Variants in PCYT1B observed in about 807,000 individuals in gnomAD.
PCYT1B encodes the protein choline-phosphate cytidylyltransferase B.
A neutral mutation model predicts 26.4 loss-of-function variants in PCYT1B; 10 were observed. The observed-to-expected ratio is 0.38, with a 90% CI of 0.23 to 0.64. PCYT1B has a LOEUF of 0.64. Ranked by LOEUF, PCYT1B falls within the 30% of genes least tolerant of loss-of-function variation. The pLI is 0.56. For synonymous variants in PCYT1B, 131 were observed against 108.4 expected (o/e 1.21, Z -1.29); for missense variants, 161 against 292.7 (o/e 0.55, Z 3.28).
chrX:24,614,810 C>A (rs1350425079), intron 2 of PCYT1B, among the ~76,000 whole-genome samples: 1 of 112,008 alleles, frequency 8.9e-6, no homozygotes, highest in Non-Finnish European at 1.9e-5. Flanking sequence ...CTTAAAAATT[C>A]TCCGAGCTTT....
At chrX:24,582,155 T>C (rs760133139) in intron 5 of PCYT1B, among the ~76,000 whole-genome samples, 49 of 112,470 alleles carry the variant, frequency 4.4e-4, no homozygotes, top group Non-Finnish European at 7.9e-4. Flanking sequence ...GTGGGAACAG[T>C]GGGGAACATT....
At chrX:24,598,486 C>CAT (rs1449212206) in intron 3 of PCYT1B, among the ~76,000 whole-genome samples, 1 of 107,153 alleles carries the variant, frequency 9.3e-6, no homozygotes, top group Non-Finnish European at 1.9e-5. Flanking sequence ...TATATATATA[C>CAT]ACACACACAC....
chrX:24,620,738 T>C (rs1356330391), intron 1 of PCYT1B, among the ~76,000 whole-genome samples: 1 of 112,352 alleles, frequency 8.9e-6, no homozygotes, highest in Non-Finnish European at 1.9e-5. Flanking sequence ...AGGATTTCTT[T>C]TAAGACTACC....
intron 3 of PCYT1B, among the ~76,000 whole-genome samples, chrX:24,592,516 C>T (rs1924602168): frequency 9.0e-6 from 1 of 111,386 alleles, no homozygotes; most frequent in African/African-American, 3.3e-5. Context: ...GCTCCCATCC[C>T]CACCCCTTCA....
At chrX:24,614,396 A>C (rs2148250898) in intron 2 of PCYT1B, among the ~76,000 whole-genome samples, 1 of 111,662 alleles carries the variant, frequency 9.0e-6, no homozygotes, top group East Asian at 2.8e-4. Context: ...AAGAGAGTCC[A>C]GTTATAGCTA....
At chrX:24,627,327 G>T (rs755800141) in intron 1 of PCYT1B, among the ~76,000 whole-genome samples, 1 of 111,915 alleles carries the variant, frequency 8.9e-6, no homozygotes, top group African/African-American at 3.2e-5. Context: ...GGAGCCATCA[G>T]AGCGTTTCGT....
intron 1 of PCYT1B, among the ~76,000 whole-genome samples, chrX:24,623,364 CATATAT>C (rs57642734): frequency 0.042 from 3,339 of 79,545 alleles, 217 homozygotes; most frequent in African/African-American, 0.15. Flanking sequence ...ATGAGATTTA[CATATAT>C]ATATATATAT....
At chrX:24,662,649 T>C (rs749936147) in intron 1 of PCYT1B, among the ~76,000 whole-genome samples, 1 of 111,992 alleles carries the variant, frequency 8.9e-6, no homozygotes, top group South Asian at 3.7e-4. Context: ...CCTGAGCAAC[T>C]GTCATGAAGC....
At chrX:24,640,986 T>C (rs1926448464) in intron 1 of PCYT1B, among the ~76,000 whole-genome samples, 1 of 111,554 alleles carries the variant, frequency 9.0e-6, no homozygotes, top group Non-Finnish European at 1.9e-5. Flanking sequence ...CAGGCTGGAG[T>C]GCAGAGGGAT....
In PCYT1B at chrX:24,562,070, G is replaced by A. The variant is rs780784858; in HGVS notation, c.*223C>T. 2.5e-6 allele frequency: 3 copies of A among 1,205,306 alleles called. No homozygotes were observed. On this transcript the variant is annotated 3_prime_UTR_variant, in exon 8 of 8. Coordinates refer to ENST00000379144, the MANE Select transcript of PCYT1B (RefSeq NM_004845.5). ...AGAGTGACTCTAGACGCTAAGGTTTGTGTAGGTTGTCCAGCTAGAAGTCTC... is the reference window on the plus strand; with the variant it reads ...AGAGTGACTCTAGACGCTAAGGTTTATGTAGGTTGTCCAGCTAGAAGTCTC...
intron 2 of PCYT1B, among the ~76,000 whole-genome samples, chrX:24,614,175 C>CT (rs1290559942): frequency 5.4e-5 from 6 of 111,144 alleles, no homozygotes; most frequent in Non-Finnish European, 1.1e-4. Flanking sequence ...ATTCTGATTG[C>CT]TTTTTTGATT....
upstream of PCYT1B, among the ~76,000 whole-genome samples, chrX:24,649,774 C>T (rs1183608729): frequency 4.5e-5 from 5 of 111,986 alleles, no homozygotes; most frequent in Non-Finnish European, 9.4e-5. Flanking sequence ...CTGCCTTTGC[C>T]TAGGATATCT....
chrX:24,624,002 C>T (rs61760943), intron 1 of PCYT1B, among the ~76,000 whole-genome samples: 4,036 of 95,848 alleles, frequency 0.042, 131 homozygotes, highest in Non-Finnish European at 0.066. Context: ...GACAGAGTCT[C>T]GCTCTGTCGC....
intron 1 of PCYT1B, among the ~76,000 whole-genome samples, chrX:24,670,088 GAAAGAAAGAAAGA>G (rs1569261821): frequency 5.6e-5 from 5 of 89,196 alleles, no homozygotes; most frequent in African/African-American, 1.2e-4. Flanking sequence ...AAGAAAGAAA[GAAAGAAAGAAAGA>G]AAGAAAGAAA....
At chrX:24,592,475 C>T (rs1341175167) in intron 3 of PCYT1B, among the ~76,000 whole-genome samples, 1 of 111,029 alleles carries the variant, frequency 9.0e-6, no homozygotes, top group Non-Finnish European at 1.9e-5. Context: ...AAAGCACACC[C>T]GGAAGCCATG....
intron 1 of PCYT1B, among the ~76,000 whole-genome samples, chrX:24,622,627 C>T (rs769644905): frequency 1.2e-4 from 14 of 112,293 alleles, no homozygotes; most frequent in Non-Finnish European, 2.3e-4. Flanking sequence ...ATGTATCCAT[C>T]GATATACTAA....
intron 6 of PCYT1B, among the ~76,000 whole-genome samples, chrX:24,575,669 C>T (rs1330153933): frequency 8.9e-6 from 1 of 112,521 alleles, no homozygotes; most frequent in Non-Finnish European, 1.9e-5. Context: ...CCATTCAATT[C>T]TGCTGGGACT....
At chrX:24,598,645 ATTGTC>A (rs757991627) in intron 3 of PCYT1B, among the ~76,000 whole-genome samples, 10 of 111,859 alleles carry the variant, frequency 8.9e-5, no homozygotes, top group African/African-American at 2.9e-4. Context: ...GCATTGATTT[ATTGTC>A]TTGTCTTGTT....
intron 1 of PCYT1B, among the ~76,000 whole-genome samples, chrX:24,645,021 G>A (rs976945558): frequency 9.0e-6 from 1 of 110,996 alleles, no homozygotes; most frequent in African/African-American, 3.3e-5. Flanking sequence ...CCAAGATCAG[G>A]CCACTGCACT....
Sources: gnomAD v4.1 joint callset for allele counts (sites outside exome capture counted in the v4.1 genomes callset) on GRCh38, gnomAD v4.1.1 for gene constraint, MANE v1.5 for transcripts, NCBI Gene and HGNC (gene_info 2026-07-23, HGNC 2026-07-21) for gene names.